HABP2: variants seen among roughly 807,000 people sequenced by gnomAD.
HABP2 encodes factor VII-activating protease.
HABP2 carries 65 observed loss-of-function variants against 66.5 expected under a neutral mutation model. The ratio of observed to expected loss-of-function variants is 0.98; its 90% CI spans 0.80 to 1.20. The LOEUF (loss-of-function observed/expected upper bound fraction) is 1.20, where lower values mean the gene tolerates loss of function less well. Among genes scored for constraint, HABP2 ranks in the 50% most tolerant of loss-of-function variants. The pLI is 0.00. For missense variants in HABP2, 786 were observed against 691.0 expected (o/e 1.14, Z -1.54); for synonymous variants, 263 against 253.9 (o/e 1.04, Z -0.34).
rs1845399963 is a variant in HABP2 at position 113,575,915 on chromosome 10, C to T, written c.242C>T (p.Pro81Leu). 1 of 1,608,014 alleles carries T rather than the reference C, an allele frequency of 6.2e-7. No individual in the cohort carries two copies. The highest frequency in any genetic ancestry group is 1.3e-5 in the African/African-American group (1 of 74,926). ...EDQADPCQPN[P>L]CEHGGDCLVH... The stretch of plus-strand genomic sequence containing the variant: ...GTCTTAGATCCATGCCAGCCCAACC[C>T]CTGTGAACACGGTGGGGACTGCCTC... Residue 81 changes from proline to leucine, a missense_variant, in exon 4 of 13, where the codon CCC becomes CTC. Physicochemically the swap from Pro to Leu is moderately conservative, Grantham distance 98. Transcript: ENST00000351270.
intron 2 of HABP2, among the ~76,000 whole-genome samples, chr10:113,568,095 T>A (rs1187852030): frequency 2.6e-5 from 4 of 152,226 alleles, no homozygotes; most frequent in Admixed American, 1.3e-4. Context: ...AGACTCGCTC[T>A]CTTATTGTCT....
intron 2 of HABP2, among the ~76,000 whole-genome samples, chr10:113,569,315 C>T (rs1160466103): frequency 6.6e-6 from 1 of 152,164 alleles, no homozygotes; most frequent in African/African-American, 2.4e-5. Context: ...GTGTCATAGC[C>T]TCCAGGGAGT....
chr10:113,587,024 A>G (rs1212036252), intron 12 of HABP2, among the ~76,000 whole-genome samples: 1 of 152,240 alleles, frequency 6.6e-6, no homozygotes, highest in Non-Finnish European at 1.5e-5. Context: ...AAAACAGCTC[A>G]TTCAGGCTGG....
chr10:113,556,548 A>T (rs2133739474), intron 1 of HABP2, among the ~76,000 whole-genome samples: 1 of 151,998 alleles, frequency 6.6e-6, no homozygotes, highest in South Asian at 2.1e-4. Context: ...GTCTCTATCA[A>T]AAAAAATTTT....
chr10:113,588,032 GTCT>G (rs1683851358), intron 12 of HABP2, among the ~76,000 whole-genome samples, 170 bp from the exon 13 acceptor site: 1 of 152,146 alleles, frequency 6.6e-6, no homozygotes, highest in African/African-American at 2.4e-5. Flanking sequence ...CTCCCTTAGA[GTCT>G]TGTATCATGT....
In HABP2 at chr10:113,589,526, G is replaced by T; in HGVS notation, c.*1157G>T. 1.0e-6 allele frequency: 1 copy of T among 971,044 alleles called. No homozygotes were observed. Among genetic ancestry groups the T allele is most frequent in the Non-Finnish European group, 1.5e-6 (1 of 657,232 alleles). The allele number at this position is 971,044 out of a possible 1,614,324, so 60.2% of individuals were successfully genotyped here. A position where few individuals can be genotyped will look rare whatever the true frequency, so the allele number is the denominator to read the frequency against. ...TGGTCATCTCAGACCCATGAAATTAGGCGCCTTGTTTGAGCTGCGTTTCAC... is the reference window on the plus strand; with the variant it reads ...TGGTCATCTCAGACCCATGAAATTATGCGCCTTGTTTGAGCTGCGTTTCAC... On this transcript the variant is annotated 3_prime_UTR_variant, in exon 13 of 13. Transcript: ENST00000351270.
intron 1 of HABP2, among the ~76,000 whole-genome samples, chr10:113,564,137 A>T (rs745802893): frequency 6.6e-6 from 1 of 152,200 alleles, no homozygotes; most frequent in East Asian, 1.9e-4. Flanking sequence ...CACGTCTTAC[A>T]TGGTGGCAGG....
rs11575760 is a variant in HABP2 at position 113,578,953 on chromosome 10, A to G, written c.740+155A>G. ...ACAACTGCCAAATGTCAGTGGCTCA[A>G]ATACATCAAAGTCTATTTCTGGGCT... On this transcript the variant is annotated intron_variant, in intron 7 of 12. Coordinates refer to ENST00000351270, the MANE Select transcript of HABP2 (RefSeq NM_004132.5). Among the ~76,000 whole-genome samples, 95 of 152,240 alleles carry G rather than the reference A, an allele frequency of 6.2e-4. 1 individual carries two copies. In the Middle Eastern group the frequency reaches 0.02, roughly 33 times the overall value.
intron 7 of HABP2, 113 bp from the exon 8 acceptor site, chr10:113,580,482 T>A: frequency 3.0e-6 from 2 of 667,758 alleles, no homozygotes; most frequent in Non-Finnish European, 5.4e-6. Context: ...TTCAAAGAAA[T>A]GTGGTCCCAG....
At chr10:113,583,426 T>C (rs1845577496) in intron 10 of HABP2, 68 bp downstream of exon 10, 5 of 1,425,064 alleles carry the variant, frequency 3.5e-6, no homozygotes, top group Non-Finnish European at 4.9e-6. Flanking sequence ...ACCAGAAAGC[T>C]GAAGTTTGGT....
intron 2 of HABP2, among the ~76,000 whole-genome samples, chr10:113,572,045 G>A (rs546476638): frequency 6.6e-6 from 1 of 152,182 alleles, no homozygotes; most frequent in Non-Finnish European, 1.5e-5. Context: ...AAATGGAAAG[G>A]ATCTTTGTGA....
chr10:113,587,010 T>C (rs951835193), intron 12 of HABP2, among the ~76,000 whole-genome samples: 14 of 152,120 alleles, frequency 9.2e-5, no homozygotes, highest in Admixed American at 2.0e-4. Flanking sequence ...AGAAGATGGT[T>C]AAGAAAACAG....
intron 1 of HABP2, among the ~76,000 whole-genome samples, chr10:113,556,674 C>T (rs1206062265): frequency 6.6e-6 from 1 of 151,236 alleles, no homozygotes; most frequent in Non-Finnish European, 1.5e-5. Context: ...GAGAAGGTGC[C>T]ATTGCATCCT....
chr10:113,588,523 T>C lies in HABP2; in HGVS notation c.*154T>C. ...AGACAACTGCCACCCAGCCTGGGCC[T>C]TCCCAGACCAGCATTTGCACAATAT... On this transcript the variant is annotated 3_prime_UTR_variant, in exon 13 of 13. Coordinates refer to ENST00000351270, the MANE Select transcript of HABP2 (RefSeq NM_004132.5). 1 of 578,516 alleles carries C rather than the reference T, an allele frequency of 1.7e-6. No individual in the cohort carries two copies. The highest frequency in any genetic ancestry group is 2.8e-5 in the East Asian group (1 of 35,304). 35.8% of individuals were successfully genotyped at this position (578,516 alleles called of 1,614,324 possible). A position where few individuals can be genotyped will look rare whatever the true frequency, so the allele number is the denominator to read the frequency against.
chr10:113,575,066 G>T (rs1464440242), intron 3 of HABP2, among the ~76,000 whole-genome samples: 1 of 152,042 alleles, frequency 6.6e-6, no homozygotes, highest in Non-Finnish European at 1.5e-5. Flanking sequence ...AATGCCATGT[G>T]ACTAAACCAG....
At chr10:113,567,838 C>T (rs567490282) in intron 2 of HABP2, among the ~76,000 whole-genome samples, 59 of 152,292 alleles carry the variant, frequency 3.9e-4, no homozygotes, top group Non-Finnish European at 7.3e-4. Flanking sequence ...GGCCACACAG[C>T]GAATTGGAGG....
At chr10:113,561,973 C>T (rs907978963) in intron 1 of HABP2, among the ~76,000 whole-genome samples, 1 of 152,194 alleles carries the variant, frequency 6.6e-6, no homozygotes, top group African/African-American at 2.4e-5. Context: ...CACTAACCAA[C>T]CTTAACCTGG....
chr10:113,553,371 A>G (rs1045568939), intron 1 of HABP2, among the ~76,000 whole-genome samples, 181 bp downstream of exon 1: 1 of 152,244 alleles, frequency 6.6e-6, no homozygotes, highest in Non-Finnish European at 1.5e-5. Flanking sequence ...AGCCACTCCC[A>G]TGGGAACAGG....
intron 2 of HABP2, among the ~76,000 whole-genome samples, chr10:113,573,726 A>G (rs889059426): frequency 3.9e-5 from 6 of 152,228 alleles, no homozygotes; most frequent in African/African-American, 1.4e-4. Context: ...GGCTCAAAAA[A>G]TGTTATCTGT....
Sources: gnomAD v4.1 joint callset for allele counts (sites outside exome capture counted in the v4.1 genomes callset) on GRCh38, gnomAD v4.1.1 for gene constraint, MANE v1.5 for transcripts, NCBI Gene and HGNC (gene_info 2026-07-23, HGNC 2026-07-21) for gene names.